MAPT: variants seen among roughly 807,000 people sequenced by gnomAD.
MAPT encodes microtubule associated protein tau.
In MAPT, 34 loss-of-function variants were observed where a neutral mutation model predicts 67.9. That is an observed-to-expected ratio of 0.50 (90% confidence interval 0.38 to 0.67). The LOEUF is 0.67. Ranked by LOEUF, MAPT falls within the 30% of genes least tolerant of loss-of-function variation. MAPT has a pLI of 0.00. For synonymous variants in MAPT, 456 were observed against 464.5 expected, an observed-to-expected ratio of 0.98 and a Z score of 0.23; for missense variants, 881 against 1,115.2, an observed-to-expected ratio of 0.79 and a Z score of 2.99.
intron 1 of MAPT, chr17:45,910,660 T>C (rs1291413380): frequency 2.2e-5 from 3 of 138,482 alleles, no homozygotes; most frequent in Non-Finnish European, 1.6e-5. Flanking sequence ...CAGATGGCTT[T>C]TTCCTTAAAA....
intron 1 of MAPT, among the ~76,000 whole-genome samples, chr17:45,961,775 G>GTT (rs532052263): frequency 5.6e-4 from 79 of 142,224 alleles, no homozygotes; most frequent in Middle Eastern, 3.7e-3. Flanking sequence ...TATTTGTTTT[G>GTT]TTTTTTTTTT....
At chr17:45,993,570 C>T (rs1049651074) in intron 8 of MAPT, among the ~76,000 whole-genome samples, 3 of 152,204 alleles carry the variant, frequency 2.0e-5, no homozygotes, top group South Asian at 4.1e-4. Flanking sequence ...CAGGCCACCA[C>T]GCCCTGCTAA....
At chr17:45,997,587 G>A (rs549703338) in intron 9 of MAPT, among the ~76,000 whole-genome samples, 161 of 152,232 alleles carry the variant, frequency 1.1e-3, no homozygotes, top group African/African-American at 3.7e-3. Flanking sequence ...GTGAAACCTC[G>A]TCTCTACTAA....
intron 11 of MAPT, among the ~76,000 whole-genome samples, chr17:46,016,387 T>G (rs62062277): frequency 0.16 from 21,077 of 134,690 alleles, 2,076 homozygotes; most frequent in Middle Eastern, 0.27. Context: ...TGAGACTCCG[T>G]CTCAAAAAAA....
rs142327009 is a variant in MAPT, at chr17:45,983,491, C to G, written c.912C>G (p.Pro304=). The change falls in exon 5 of 13, where the codon CCC becomes CCG. Residue 304 remains proline (P), a synonymous_variant. Transcript: ENST00000262410. ...ACCGCGACGTCGATGAGTCCTCCCC[C>G]CAAGACTCCCCTCCCTCCAAGGCCT... is the stretch of plus-strand genomic sequence containing the variant. ...DEDRDVDESS[P]QDSPPSKASP... The G allele has an allele frequency of 2.6e-4, 415 of 1,611,928 alleles. 1 individual carries two copies. In the African/African-American group the frequency reaches 3.6e-3, roughly 14 times the overall value.
intron 1 of MAPT, among the ~76,000 whole-genome samples, chr17:45,960,171 C>G (rs1414900055): frequency 1.3e-5 from 2 of 152,250 alleles, no homozygotes; most frequent in African/African-American, 4.8e-5. Flanking sequence ...CATTAGAAGT[C>G]AAGCCCTGGT....
chr17:45,974,770 C>T, intron 3 of MAPT: 1 of 424,550 alleles, frequency 2.4e-6, no homozygotes, highest in East Asian at 4.7e-5. Flanking sequence ...TTTTCTGGGG[C>T]AGGTGGTGGC....
intron 1 of MAPT, among the ~76,000 whole-genome samples, chr17:45,939,897 T>G (rs528740578): frequency 6.6e-6 from 1 of 152,348 alleles, no homozygotes; most frequent in African/African-American, 2.4e-5. Flanking sequence ...GACATTCTTA[T>G]GTTCCTTCTG....
chr17:45,932,429 A>C (rs2066923036), intron 1 of MAPT, among the ~76,000 whole-genome samples: 2 of 151,924 alleles, frequency 1.3e-5, no homozygotes, highest in Non-Finnish European at 2.9e-5. Context: ...CATCTCTACA[A>C]AAATACAAAA....
At chr17:45,947,046 T>G (rs1345969062) in intron 1 of MAPT, among the ~76,000 whole-genome samples, 1 of 152,204 alleles carries the variant, frequency 6.6e-6, no homozygotes, top group African/African-American at 2.4e-5. Flanking sequence ...TTATCTTCTC[T>G]CTTTAATTTG....
At chr17:46,002,678 C>CGG (rs138957038) in intron 9 of MAPT, among the ~76,000 whole-genome samples, 3 of 151,840 alleles carry the variant, frequency 2.0e-5, no homozygotes, top group African/African-American at 7.3e-5. Flanking sequence ...AGCCTTGGGG[C>CGG]GGGGGGTGCA....
chr17:45,973,999 GC>G (rs2072024204), intron 3 of MAPT: 2 of 222,894 alleles, frequency 9.0e-6, no homozygotes, highest in Admixed American at 1.0e-4. Flanking sequence ...AAAACCATAG[GC>G]CCCCGCACTA....
rs201010867 is a variant in MAPT, at chr17:45,987,955, CTTCA to C, written c.1407+873_1407+876del. Reference sequence around the variant, plus strand: ...CATGCATGCATTCATTTGTTCCTTCCTTCATTCATTCATTCAGTACACATGGGTA... The same window carrying C: ...CATGCATGCATTCATTTGTTCCTTCCTTCATTCATTCAGTACACATGGGTA... On this transcript the variant is annotated intron_variant, in intron 6 of 12. Transcript: ENST00000262410. Among the ~76,000 whole-genome samples the C allele has an allele frequency of 4.2e-3, 645 of 152,280 alleles. 21 individuals carry two copies. Among genetic ancestry groups the C allele is most frequent in the Admixed American group, 0.04 (609 of 15,302 alleles).
At chr17:45,974,918 G>A (rs17651243) in intron 3 of MAPT, 26,256 of 186,330 alleles carry the variant, frequency 0.14, 2,547 homozygotes, top group Middle Eastern at 0.2. Flanking sequence ...ACACCTTTTG[G>A]TGATCTTAAT....
At chr17:45,929,945 T>C (rs529161644) in intron 1 of MAPT, among the ~76,000 whole-genome samples, 1 of 152,270 alleles carries the variant, frequency 6.6e-6, no homozygotes, top group African/African-American at 2.4e-5. Context: ...TCCTGCAATA[T>C]CCACCCTCTG....
At chr17:45,910,299 C>T (rs1444637956) in intron 1 of MAPT, among the ~76,000 whole-genome samples, 1 of 152,140 alleles carries the variant, frequency 6.6e-6, no homozygotes, top group Non-Finnish European at 1.5e-5. Context: ...GTGAAAAATT[C>T]CTTCCCCTCT....
At chr17:45,931,954 T>G (rs1020957805) in intron 1 of MAPT, 1 of 152,064 alleles carries the variant, frequency 6.6e-6, no homozygotes, top group East Asian at 1.9e-4. Flanking sequence ...TGGTGGCACA[T>G]GCCTGCGGTC....
At chr17:45,992,099 T>C (rs2074104888) in intron 8 of MAPT, among the ~76,000 whole-genome samples, 1 of 152,206 alleles carries the variant, frequency 6.6e-6, no homozygotes, top group African/African-American at 2.4e-5. Context: ...ATCCTCACTT[T>C]TTATCAATGA....
intron 1 of MAPT, among the ~76,000 whole-genome samples, chr17:45,917,783 T>C (rs1235263796): frequency 8.9e-6 from 1 of 112,316 alleles, no homozygotes; most frequent in African/African-American, 2.7e-5. Flanking sequence ...TTTTTTTTTT[T>C]CTTTTTTTTT....
Sources: allele counts gnomAD v4.1 joint callset (sites outside exome capture counted in the v4.1 genomes callset), GRCh38; gene constraint gnomAD v4.1.1; transcripts MANE v1.5; gene names NCBI Gene and HGNC (gene_info 2026-07-23, HGNC 2026-07-21).